SDCCAG8: variants seen among roughly 807,000 people sequenced by gnomAD.
SDCCAG8 encodes SHH signaling and ciliogenesis regulator SDCCAG8, also known as serologically defined colon cancer antigen 8.
SDCCAG8 carries 74 observed loss-of-function variants against 101.8 expected under a neutral mutation model. The ratio of observed to expected loss-of-function variants is 0.73; its 90% CI spans 0.60 to 0.88. SDCCAG8 has a LOEUF of 0.88. SDCCAG8 is among the 40% of genes least tolerant of loss of function. SDCCAG8 has a pLI of 0.00. For synonymous variants in SDCCAG8, 281 were observed against 292.9 expected, an observed-to-expected ratio of 0.96 and a Z score of 0.41; for missense variants, 787 against 822.6, an observed-to-expected ratio of 0.96 and a Z score of 0.53.
At chr1:243,301,886 G>C (rs2149310598) in intron 6 of SDCCAG8, among the ~76,000 whole-genome samples, 1 of 152,280 alleles carries the variant, frequency 6.6e-6, no homozygotes, top group South Asian at 2.1e-4. Context: ...ACAATGTCAA[G>C]ATAACAAGAG....
intron 16 of SDCCAG8, among the ~76,000 whole-genome samples, chr1:243,473,664 A>G (rs1230800607): frequency 6.6e-6 from 1 of 152,162 alleles, no homozygotes; most frequent in Non-Finnish European, 1.5e-5. Context: ...AGCGTGTGCA[A>G]AAGTTCAAGA....
chr1:243,482,682 T>G (rs908382375), intron 16 of SDCCAG8, among the ~76,000 whole-genome samples: 1 of 152,172 alleles, frequency 6.6e-6, no homozygotes, highest in African/African-American at 2.4e-5. Flanking sequence ...CGCTGTGCTG[T>G]GAGGGCCGGG....
chr1:243,307,866 C>T (rs778467665), intron 7 of SDCCAG8, 123 bp from the exon 8 acceptor site: 18 of 1,543,794 alleles, frequency 1.2e-5, no homozygotes, highest in African/African-American at 5.5e-5. Context: ...AGGTATTGGA[C>T]GTAAACTAAA....
At chr1:243,338,320 A>G (rs778378449) in intron 10 of SDCCAG8, among the ~76,000 whole-genome samples, 1 of 152,220 alleles carries the variant, frequency 6.6e-6, no homozygotes, top group Non-Finnish European at 1.5e-5. Flanking sequence ...AGTTAAAGTT[A>G]GTGCTAGAAC....
intron 17 of SDCCAG8, among the ~76,000 whole-genome samples, chr1:243,499,218 C>T (rs966043124): frequency 1.3e-5 from 2 of 152,210 alleles, no homozygotes; most frequent in African/African-American, 4.8e-5. Flanking sequence ...TACACCCAAT[C>T]CCCTCTTCCA....
chr1:243,318,431 TA>T (rs2073455216), intron 9 of SDCCAG8: 1 of 313,120 alleles, frequency 3.2e-6, no homozygotes, highest in Non-Finnish European at 4.6e-6. Flanking sequence ...GGTGATAAAA[TA>T]ATCTGTATAA....
intron 6 of SDCCAG8, among the ~76,000 whole-genome samples, chr1:243,296,056 C>T (rs551624950): frequency 2.0e-5 from 3 of 152,088 alleles, no homozygotes; most frequent in East Asian, 1.9e-4. Context: ...AGTGCAGTGG[C>T]GCAATCTCAG....
rs1469920588 is a variant in SDCCAG8, at chr1:243,344,154, A to AT, written c.1357-59dup. 3.7e-6 allele frequency: 5 copies of AT among 1,346,946 alleles called. No individual in the cohort carries two copies. The African/African-American group carries it at 7.2e-5, about 19-fold the overall frequency. 83.4% of individuals were successfully genotyped at this position (1,346,946 alleles called of 1,614,324 possible). ...CCTCTAGGGGGCACCAAAAGATCTA[A>AT]TTGCAGGCATTGCCTGGTAGATTCC... is the stretch of plus-strand genomic sequence containing the variant. On this transcript the variant is annotated intron_variant, in intron 11 of 17. Coordinates refer to ENST00000366541, the MANE Select transcript of SDCCAG8 (RefSeq NM_006642.5).
intron 13 of SDCCAG8, among the ~76,000 whole-genome samples, chr1:243,399,717 G>T (rs1174179909): frequency 6.6e-6 from 1 of 152,024 alleles, no homozygotes; most frequent in African/African-American, 2.4e-5. Flanking sequence ...ATATTGGCCA[G>T]ACTGATCTCA....
chr1:243,345,199 T>G (rs2075631444), intron 12 of SDCCAG8, among the ~76,000 whole-genome samples: 1 of 152,168 alleles, frequency 6.6e-6, no homozygotes, highest in Non-Finnish European at 1.5e-5. Flanking sequence ...TTCCAACATA[T>G]TTTCTCTTTT....
chr1:243,477,033 C>CAGAGAG (rs371572944), intron 16 of SDCCAG8, among the ~76,000 whole-genome samples: 1 of 150,316 alleles, frequency 6.7e-6, no homozygotes, highest in African/African-American at 2.5e-5. Flanking sequence ...CACACACACA[C>CAGAGAG]AGAGAGAAAG....
chr1:243,322,108 C>G (rs2073805574), intron 9 of SDCCAG8, among the ~76,000 whole-genome samples: 1 of 152,216 alleles, frequency 6.6e-6, no homozygotes, highest in Admixed American at 6.5e-5. Context: ...CTCTGTTAAA[C>G]TTTAAAATTG....
chr1:243,456,056 A>C (rs764149431), intron 16 of SDCCAG8, among the ~76,000 whole-genome samples: 4 of 152,196 alleles, frequency 2.6e-5, no homozygotes, highest in Non-Finnish European at 5.9e-5. Flanking sequence ...GTGGGAGCTC[A>C]GAGCATGGAC....
chr1:243,271,364 T>A (rs2068068094), intron 3 of SDCCAG8, among the ~76,000 whole-genome samples: 1 of 148,710 alleles, frequency 6.7e-6, no homozygotes, highest in East Asian at 1.9e-4. Flanking sequence ...AATAAATTAA[T>A]ATAATAAATT....
intron 2 of SDCCAG8, 49 bp from the exon 3 acceptor site, chr1:243,270,929 A>C (rs953834513): frequency 2.2e-6 from 3 of 1,354,180 alleles, no homozygotes; most frequent in Non-Finnish European, 3.2e-6. Flanking sequence ...GTGGTAAGAA[A>C]CCATGGATCT....
At chr1:243,284,022 G>T (rs963814985) in intron 4 of SDCCAG8, among the ~76,000 whole-genome samples, 1 of 152,200 alleles carries the variant, frequency 6.6e-6, no homozygotes, top group African/African-American at 2.4e-5. Context: ...GGGATTACAG[G>T]TGTGAGCCAC....
At chr1:243,331,884 T>G (rs2074624136) in intron 10 of SDCCAG8, among the ~76,000 whole-genome samples, 1 of 152,026 alleles carries the variant, frequency 6.6e-6, no homozygotes, top group South Asian at 2.1e-4. Flanking sequence ...GTAGGAGAAG[T>G]AGATGTTACA....
At chr1:243,385,422 T>C (rs1344854039) in intron 13 of SDCCAG8, among the ~76,000 whole-genome samples, 1 of 151,870 alleles carries the variant, frequency 6.6e-6, no homozygotes, top group African/African-American at 2.4e-5. Context: ...AAAAAGAACA[T>C]ACACATGTAG....
chr1:243,419,656 G>C (rs1312309483), intron 15 of SDCCAG8, among the ~76,000 whole-genome samples: 7 of 152,216 alleles, frequency 4.6e-5, no homozygotes, highest in Admixed American at 2.6e-4. Flanking sequence ...AATAACTGGT[G>C]AGTGGGAGAG....
Sources: allele counts gnomAD v4.1 joint callset (sites outside exome capture counted in the v4.1 genomes callset), GRCh38; gene constraint gnomAD v4.1.1; transcripts MANE v1.5; gene names NCBI Gene and HGNC (gene_info 2026-07-23, HGNC 2026-07-21).